The following SNRPD3 variants were observed in gnomAD, a reference collection of about 807,000 sequenced individuals.
SNRPD3 encodes small nuclear ribonucleoprotein Sm D3.
For missense variants in SNRPD3, 73 were observed against 167.5 expected, an observed-to-expected ratio of 0.44 and a Z score of 3.11; for synonymous variants, 66 against 58.4, an observed-to-expected ratio of 1.13 and a Z score of -0.59.
chr22:24,562,578 C>T (rs2045153940), intron 2 of SNRPD3, among the ~76,000 whole-genome samples: 1 of 151,864 alleles, frequency 6.6e-6, no homozygotes, highest in Non-Finnish European at 1.5e-5. Context: ...GATGTGATGG[C>T]TTATGCCTGT....
chr22:24,568,040 A>T lies in SNRPD3; in HGVS notation c.183A>T (p.Val61=). 1 of 1,613,764 alleles carries T rather than the reference A, an allele frequency of 6.2e-7. No individual in the cohort carries two copies. The highest frequency in any genetic ancestry group is 2.2e-5 in the East Asian group (1 of 44,866). Reference sequence around the variant, plus strand: ...GCCGAGTGGCACAGCTGGAGCAGGTATACATCCGTGGCAGCAAAATCCGCT... The same window carrying T: ...GCCGAGTGGCACAGCTGGAGCAGGTTTACATCCGTGGCAGCAAAATCCGCT... ...RDGRVAQLEQ[V]YIRGSKIRFL... Residue 61 remains valine, a synonymous_variant, in exon 3 of 4, where the codon GTA becomes GTT. Coordinates refer to ENST00000215829, the MANE Select transcript of SNRPD3 (RefSeq NM_004175.5).
intron 3 of SNRPD3, among the ~76,000 whole-genome samples, chr22:24,568,924 G>A (rs1279444180): frequency 2.0e-5 from 3 of 152,134 alleles, no homozygotes; most frequent in African/African-American, 7.2e-5. Flanking sequence ...GGTCAGGCTG[G>A]TCTTGAAGTC....
intron 3 of SNRPD3, among the ~76,000 whole-genome samples, chr22:24,568,549 A>G (rs193211466): frequency 1.4e-5 from 2 of 146,456 alleles, no homozygotes; most frequent in Non-Finnish European, 3.0e-5. Context: ...TTTTATTTTT[A>G]ATTTTTTTTA....
chr22:24,565,850 AGGGTTTCACC>A (rs2045192544), intron 2 of SNRPD3, among the ~76,000 whole-genome samples: 1 of 151,964 alleles, frequency 6.6e-6, no homozygotes, highest in African/African-American at 2.4e-5. Context: ...TAGTAGAGCC[AGGGTTTCACC>A]GTGTTTGCCA....
upstream of SNRPD3, chr22:24,555,875 C>T (rs1300763896): frequency 2.0e-6 from 3 of 1,521,506 alleles, no homozygotes; most frequent in Admixed American, 3.9e-5. Flanking sequence ...CCTAGTTTCC[C>T]AGCCGGCAGG....
chr22:24,558,907 C>T (rs1056197412), intron 2 of SNRPD3, among the ~76,000 whole-genome samples: 3 of 152,100 alleles, frequency 2.0e-5, no homozygotes, highest in African/African-American at 2.4e-5. Flanking sequence ...TGGAGATTGT[C>T]GGCTGCCTGC....
chr22:24,565,629 A>G (rs2045190176), intron 2 of SNRPD3, among the ~76,000 whole-genome samples: 1 of 152,156 alleles, frequency 6.6e-6, no homozygotes, highest in Admixed American at 6.5e-5. Context: ...TGAGTGTGGC[A>G]CAGTCCCCAA....
intron 2 of SNRPD3, 89 bp downstream of exon 2, chr22:24,557,889 T>G: frequency 7.4e-7 from 1 of 1,360,264 alleles, no homozygotes; most frequent in South Asian, 1.4e-5. Context: ...CTCTGGAAAT[T>G]GTTCTCATTC....
In SNRPD3 at chr22:24,572,772, A is replaced by AG. The variant is rs1491311991; in HGVS notation, c.*796dup. 1.3e-5 allele frequency: 2 copies of AG among 152,352 alleles called. No individual in the cohort carries two copies. The highest frequency in any genetic ancestry group is 4.8e-5 in the African/African-American group (2 of 41,288). The allele number at this position is 152,352 out of a possible 1,614,324, so 9.4% of individuals were successfully genotyped here. ...CGAGACTGCACCTCAAAAAAAAAAA[A>AG]GTAATTCAGGGGATCCTAGTGGCCA... is the stretch of plus-strand genomic sequence containing the variant. On this transcript the variant is annotated 3_prime_UTR_variant, in exon 4 of 4. Coordinates refer to ENST00000215829, the MANE Select transcript of SNRPD3 (RefSeq NM_004175.5).
chr22:24,557,752 G>A lies in SNRPD3; in HGVS notation c.78G>A (p.Glu26=), dbSNP rs192801866. Residue 26 remains glutamate, a synonymous_variant, in exon 2 of 4, where the codon GAG becomes GAA. Coordinates refer to ENST00000215829, the MANE Select transcript of SNRPD3 (RefSeq NM_004175.5). ...TGACATGTGAGACGAACACCGGTGAGGTATATCGGGGGAAGCTCATTGAAG... is the reference window on the plus strand; with the variant it reads ...TGACATGTGAGACGAACACCGGTGAAGTATATCGGGGGAAGCTCATTGAAG... ...HIVTCETNTG[E]VYRGKLIEAE... 3 of 1,611,342 alleles carry A rather than the reference G, an allele frequency of 1.9e-6. No individual in the cohort carries two copies. Among genetic ancestry groups the A allele is most frequent in the Non-Finnish European group, 2.5e-6 (3 of 1,178,870 alleles).
chr22:24,563,702 A>G (rs1255873339), intron 2 of SNRPD3, among the ~76,000 whole-genome samples: 1 of 152,166 alleles, frequency 6.6e-6, no homozygotes, highest in Admixed American at 6.5e-5. Flanking sequence ...TGTGGTGTAG[A>G]GCTCTGCACA....
At chr22:24,563,329 A>G (rs2045166357) in intron 2 of SNRPD3, among the ~76,000 whole-genome samples, 1 of 150,866 alleles carries the variant, frequency 6.6e-6, no homozygotes, top group South Asian at 2.1e-4. Context: ...AAGGAAGAAG[A>G]GGAAATATGT....
At chr22:24,563,924 A>T (rs775831604) in intron 2 of SNRPD3, among the ~76,000 whole-genome samples, 2 of 152,282 alleles carry the variant, frequency 1.3e-5, no homozygotes, top group African/African-American at 4.8e-5. Context: ...TATTGCTAGG[A>T]AAGTTTTTGA....
chr22:24,574,336 A>G lies in SNRPD3; in HGVS notation c.*2359A>G, dbSNP rs1318416152. Among the ~76,000 whole-genome samples the G allele has an allele frequency of 6.6e-6, 1 of 152,216 alleles. No homozygotes were observed. The highest frequency in any genetic ancestry group is 1.5e-5 in the Non-Finnish European group (1 of 68,036). ...AATATGTAGCTTTGTAAACAGTTTT[A>G]TATCCTGCATCTTAGGGGGGAAAAT... On this transcript the variant is annotated 3_prime_UTR_variant, in exon 4 of 4. Coordinates refer to ENST00000215829, the MANE Select transcript of SNRPD3 (RefSeq NM_004175.5).
At chr22:24,565,123 A>C (rs2045185111) in intron 2 of SNRPD3, among the ~76,000 whole-genome samples, 1 of 151,896 alleles carries the variant, frequency 6.6e-6, no homozygotes, top group African/African-American at 2.4e-5. Context: ...GACCTCAAGC[A>C]GTCCTCCCAC....
rs1398041986 is a variant in SNRPD3 at position 24,563,893 on chromosome 22, G to A, written c.127-4091G>A. Among the ~76,000 whole-genome samples the A allele has an allele frequency of 5.9e-5, 9 of 152,198 alleles. No individual in the cohort carries two copies. The East Asian group carries it at 9.7e-4, about 16-fold the overall frequency. On this transcript the variant is annotated intron_variant, in intron 2 of 3. Transcript: ENST00000215829. Reference sequence around the variant, plus strand: ...CCCAAAAGAAGCTCTCACATGATTGGGTCAGAAAATTGCCCATAACTATTG... The same window carrying A: ...CCCAAAAGAAGCTCTCACATGATTGAGTCAGAAAATTGCCCATAACTATTG...
chr22:24,562,648 A>C (rs1479982590), intron 2 of SNRPD3, among the ~76,000 whole-genome samples: 1 of 152,224 alleles, frequency 6.6e-6, no homozygotes, highest in Non-Finnish European at 1.5e-5. Context: ...CCAGCAGTTC[A>C]GGCTGCATTA....
In SNRPD3 at chr22:24,572,306, C is replaced by G; in HGVS notation, c.*329C>G. ...TTCCTGGCCAGTTGCAGGTTAAGCCCCAGAAAAGTTCACCTTGGAGAAGCT... is the reference window on the plus strand; with the variant it reads ...TTCCTGGCCAGTTGCAGGTTAAGCCGCAGAAAAGTTCACCTTGGAGAAGCT... On this transcript the variant is annotated 3_prime_UTR_variant, in exon 4 of 4. Coordinates refer to ENST00000215829, the MANE Select transcript of SNRPD3 (RefSeq NM_004175.5). 1.7e-6 allele frequency: 1 copy of G among 599,508 alleles called. No individual in the cohort carries two copies. The highest frequency in any genetic ancestry group is 2.9e-6 in the Non-Finnish European group (1 of 339,654). 37.1% of individuals were successfully genotyped at this position (599,508 alleles called of 1,614,324 possible). A position where few individuals can be genotyped will look rare whatever the true frequency, so the allele number is the denominator to read the frequency against.
intron 1 of SNRPD3, 90 bp downstream of exon 1, chr22:24,556,161 T>G (rs1416485325): frequency 2.3e-6 from 1 of 430,018 alleles, no homozygotes; most frequent in Admixed American, 4.0e-5. Context: ...TCTGCGGGGC[T>G]CGGGGAGGGA....
Sources: allele counts gnomAD v4.1 joint callset (sites outside exome capture counted in the v4.1 genomes callset), GRCh38; gene constraint gnomAD v4.1.1; transcripts MANE v1.5; gene names NCBI Gene and HGNC (gene_info 2026-07-23, HGNC 2026-07-21).